The following ABCA5 variants were observed in gnomAD, a reference collection of about 807,000 sequenced individuals.
The protein encoded by ABCA5 is ATP binding cassette subfamily A member 5, also known as cholesterol transporter ABCA5.
In ABCA5, 163 loss-of-function variants were observed where a neutral mutation model predicts 206.0. The ratio of observed to expected loss-of-function variants is 0.79; its 90% CI spans 0.70 to 0.90. The LOEUF (loss-of-function observed/expected upper bound fraction) is 0.90. Ranked by LOEUF, ABCA5 falls within the 40% of genes least tolerant of loss-of-function variation. The probability of loss-of-function intolerance (pLI) is 0.00; values close to 1 mark genes in which losing one functional copy is unlikely to be tolerated. For synonymous variants in ABCA5, 609 were observed against 613.8 expected, an observed-to-expected ratio of 0.99 and a Z score of 0.11; for missense variants, 1,859 against 1,912.9, an observed-to-expected ratio of 0.97 and a Z score of 0.53.
chr17:69,289,837 A>G, intron 13 of ABCA5, 25 bp downstream of exon 13: 1 of 1,537,602 alleles, frequency 6.5e-7, no homozygotes, highest in Non-Finnish European at 8.8e-7. Flanking sequence ...AAATAAAAGT[A>G]AAGATTTCTA....
chr17:69,293,870 G>A (rs199727268), intron 11 of ABCA5, among the ~76,000 whole-genome samples: 41 of 89,170 alleles, frequency 4.6e-4, no homozygotes, highest in Non-Finnish European at 8.0e-4. Context: ...GTGTGTGTGT[G>A]TGCGTGTGTG....
chr17:69,283,851 C>A, intron 18 of ABCA5, 102 bp downstream of exon 18: 2 of 1,218,758 alleles, frequency 1.6e-6, no homozygotes, highest in Non-Finnish European at 2.2e-6. Flanking sequence ...TATTTCTACC[C>A]TTTATTCTAA....
In ABCA5 at chr17:69,285,969, G is replaced by C; in HGVS notation, c.2201C>G (p.Ala734Gly). 1 of 1,613,140 alleles carries C rather than the reference G, an allele frequency of 6.2e-7. No individual in the cohort carries two copies. Among genetic ancestry groups the C allele is most frequent in the South Asian group, 1.1e-5 (1 of 91,006 alleles). ...TTGGTCATTCTGTTGTAATAAAGTA[G>C]CTCCAGGTATATGTTGTTTAACCAG... ...SSLVKQHIPG[A>G]TLLQQNDQQL... Residue 734 changes from alanine to glycine, a missense_variant, in exon 17 of 39, where the codon GCT (alanine) becomes GGT (glycine). Coordinates refer to ENST00000392676, the MANE Select transcript of ABCA5 (RefSeq NM_172232.4).
chr17:69,326,715 T>G lies in ABCA5; in HGVS notation c.-16+337A>C, dbSNP rs1208446711. ...AACGACAGCGTCCAGGCAAAGGCAG[T>G]GTCCCGAAGTCCCACGGCCGGACCC... is the stretch of plus-strand genomic sequence containing the variant. On this transcript the variant is annotated intron_variant, in intron 1 of 38. Transcript: ENST00000392676. The surrounding 1 kb of genome is among the most constrained non-coding windows in gnomAD (Gnocchi z 4.8). Among the ~76,000 whole-genome samples the G allele has an allele frequency of 6.6e-6, 1 of 152,176 alleles. No homozygotes were observed. The highest frequency in any genetic ancestry group is 1.5e-5 in the Non-Finnish European group (1 of 68,018).
At chr17:69,279,306 C>T (rs1332094102) in intron 18 of ABCA5, among the ~76,000 whole-genome samples, 1 of 152,118 alleles carries the variant, frequency 6.6e-6, no homozygotes. Context: ...AATAAAATAC[C>T]TAGGAATCCA....
rs757975376 is a variant in ABCA5 at position 69,284,082 on chromosome 17, A to G, written c.2273-10T>C. ...AGGGCAGAAAACAAACCTAAAAGAA[A>G]AAAATGAAAGAATAGTATATCTTTA... On this transcript the variant is annotated splice_polypyrimidine_tract_variant and intron_variant, in intron 17 of 38. Coordinates refer to ENST00000392676, the MANE Select transcript of ABCA5 (RefSeq NM_172232.4). 3.2e-6 allele frequency: 5 copies of G among 1,541,256 alleles called. No homozygotes were observed. The highest frequency in any genetic ancestry group is 1.8e-4 in the Middle Eastern group (1 of 5,538).
At chr17:69,276,277 C>T (rs960439844) in intron 19 of ABCA5, among the ~76,000 whole-genome samples, 2 of 152,006 alleles carry the variant, frequency 1.3e-5, no homozygotes, top group Non-Finnish European at 1.5e-5. Context: ...TTAGTAGAGA[C>T]GGAGTTTCAC....
chr17:69,249,935 G>A lies in ABCA5; in HGVS notation c.4735C>T (p.Leu1579Phe). Residue 1579 changes from leucine (L) to phenylalanine (F), a missense_variant, in exon 37 of 39, where the codon CTT (leucine) becomes TTT (phenylalanine). Leu to Phe is a conservative substitution (Grantham distance 22). Coordinates refer to ENST00000392676, the MANE Select transcript of ABCA5 (RefSeq NM_172232.4). ...TCCAGCTTAAAAAAAGATTGTGAAAGGGACTGAACATCTTCCTTAGGAATT... is the reference window on the plus strand; with the variant it reads ...TCCAGCTTAAAAAAAGATTGTGAAAAGGACTGAACATCTTCCTTAGGAATT... ...YKIPKEDVQS[L>F]SQSFFKLEEA... 6.5e-7 allele frequency: 1 copy of A among 1,529,112 alleles called. No individual in the cohort carries two copies. Among genetic ancestry groups the A allele is most frequent in the South Asian group, 1.4e-5 (1 of 73,958 alleles). 94.7% of individuals were successfully genotyped at this position (1,529,112 alleles called of 1,614,324 possible).
chr17:69,293,076 T>G (rs2075545281), intron 11 of ABCA5, among the ~76,000 whole-genome samples: 1 of 152,120 alleles, frequency 6.6e-6, no homozygotes, highest in Non-Finnish European at 1.5e-5. Context: ...ACTGGAGACA[T>G]TTTTGGTTGT....
At position 69,326,709 on chromosome 17, in the gene ABCA5, A is replaced by G. The variant is rs1057135700; in HGVS notation, c.-16+343T>C. Among the ~76,000 whole-genome samples, 4 of 152,110 alleles carry G rather than the reference A, an allele frequency of 2.6e-5. No homozygotes were observed. The highest frequency in any genetic ancestry group is 9.7e-5 in the African/African-American group (4 of 41,414). On this transcript the variant is annotated intron_variant, in intron 1 of 38. Transcript: ENST00000392676. The surrounding 1 kb of genome is among the most constrained non-coding windows in gnomAD (Gnocchi z 4.8). Reference sequence around the variant, plus strand: ...GGGTGGAACGACAGCGTCCAGGCAAAGGCAGTGTCCCGAAGTCCCACGGCC... The same window carrying G: ...GGGTGGAACGACAGCGTCCAGGCAAGGGCAGTGTCCCGAAGTCCCACGGCC...
At chr17:69,295,958 A>G (rs1326458144) in intron 10 of ABCA5, among the ~76,000 whole-genome samples, 3 of 152,236 alleles carry the variant, frequency 2.0e-5, no homozygotes, top group Non-Finnish European at 4.4e-5. Context: ...AAGAAGGTAC[A>G]AGAGAAAAGC....
chr17:69,288,065 T>C (rs2075479725), intron 14 of ABCA5, among the ~76,000 whole-genome samples: 1 of 152,192 alleles, frequency 6.6e-6, no homozygotes. Flanking sequence ...ATTAAATTTG[T>C]AGATGTAACA....
chr17:69,276,743 A>G (rs2075336384), intron 19 of ABCA5, among the ~76,000 whole-genome samples: 1 of 152,206 alleles, frequency 6.6e-6, no homozygotes, highest in Admixed American at 6.5e-5. Context: ...TGGCACATGC[A>G]TACCTATGTA....
In ABCA5 at chr17:69,277,838, A is replaced by G. The variant is rs1415339007; in HGVS notation, c.2397T>C (p.Tyr799=). ...EVEAEIDQAD[Y]SVFTQQPLEE... ...CCAGTGGCTGCTGAGTAAATACACT[A>G]TAATCTATTTGCCAAAACAAAACAA... is the stretch of plus-strand genomic sequence containing the variant. Residue 799 remains tyrosine, a synonymous_variant, in exon 19 of 39, where the codon TAT becomes TAC. Coordinates refer to ENST00000392676, the MANE Select transcript of ABCA5 (RefSeq NM_172232.4). 1.3e-6 allele frequency: 2 copies of G among 1,521,268 alleles called. No individual in the cohort carries two copies. The highest frequency in any genetic ancestry group is 2.3e-5 in the Admixed American group (1 of 42,738). The allele number at this position is 1,521,268 out of a possible 1,614,324, so 94.2% of individuals were successfully genotyped here. A position where few individuals can be genotyped will look rare whatever the true frequency, so the allele number is the denominator to read the frequency against.
In ABCA5 at chr17:69,271,198, G is replaced by T; in HGVS notation, c.2856C>A (p.Pro952=). The change falls in exon 21 of 39, where the codon CCC becomes CCA. Residue 952 remains proline, a synonymous_variant. Transcript: ENST00000392676. ...INDSDYVSVA[P]HSAALNVMHS... is the part of the protein sequence containing the mutation. ...GCATCACATTTAAAGCCGCACTATG[G>T]GGAGCCACGGATACATAGTCACTGT... 2 of 1,613,136 alleles carry T rather than the reference G, an allele frequency of 1.2e-6. No individual in the cohort carries two copies. Among genetic ancestry groups the T allele is most frequent in the Non-Finnish European group, 1.7e-6 (2 of 1,179,582 alleles).
At chr17:69,287,487 T>C in intron 15 of ABCA5, 126 bp downstream of exon 15, 1 of 1,314,614 alleles carries the variant, frequency 7.6e-7, no homozygotes, top group Non-Finnish European at 1.0e-6. Context: ...TTTAGAACTT[T>C]TTTTGTGAAG....
Position 69,309,302 on chromosome 17 carries a change from A to G in ABCA5, c.429T>C (p.Pro143=), listed in dbSNP as rs762214864. ...DSMSYELRFF[P]DMIPVSSIYM... ...AAATAGAAGATACTGGAATCATATC[A>G]GGAAAAAAACGAAGTTCATAGGACA... Residue 143 remains proline, a synonymous_variant, in exon 4 of 39, where the codon CCT becomes CCC. Transcript: ENST00000392676. The G allele has an allele frequency of 1.9e-6, 3 of 1,598,620 alleles. No individual in the cohort carries two copies. Among genetic ancestry groups the G allele is most frequent in the Non-Finnish European group, 2.6e-6 (3 of 1,175,824 alleles).
At chr17:69,322,914 A>G (rs1158611017) in intron 1 of ABCA5, among the ~76,000 whole-genome samples, 9 of 152,234 alleles carry the variant, frequency 5.9e-5, no homozygotes, top group African/African-American at 2.2e-4. Flanking sequence ...AGCCATCCTG[A>G]TAAGAAACGT....
intron 1 of ABCA5, among the ~76,000 whole-genome samples, chr17:69,322,547 T>C (rs2075873329): frequency 6.6e-6 from 1 of 152,098 alleles, no homozygotes; most frequent in Non-Finnish European, 1.5e-5. Context: ...TAAAGTATTT[T>C]TTAAAATCTA....
Sources: allele counts gnomAD v4.1 joint callset (sites outside exome capture counted in the v4.1 genomes callset), GRCh38; gene constraint gnomAD v4.1.1; non-coding constraint Gnocchi (gnomAD v3.1); transcripts MANE v1.5; gene names NCBI Gene and HGNC (gene_info 2026-07-23, HGNC 2026-07-21).